Variants in DOCK8 observed in about 807,000 individuals in gnomAD.
The protein encoded by DOCK8 is dedicator of cytokinesis protein 8.
DOCK8 carries 141 observed loss-of-function variants against 245.6 expected under a neutral mutation model. That is an observed-to-expected ratio of 0.57 (90% CI 0.50 to 0.66). The LOEUF (loss-of-function observed/expected upper bound fraction) is 0.66. Among genes scored for constraint, DOCK8 ranks in the 30% least tolerant of loss-of-function variants. DOCK8 has a pLI of 0.00. For missense variants in DOCK8, 2,965 were observed against 2,603.4 expected (o/e 1.14, Z -3.02); for synonymous variants, 1,168 against 970.2 (o/e 1.20, Z -3.79).
intron 1 of DOCK8, among the ~76,000 whole-genome samples, chr9:259,503 G>C (rs1391760274): frequency 6.6e-6 from 1 of 152,108 alleles, no homozygotes; most frequent in African/African-American, 2.4e-5. Flanking sequence ...ATAGTCTTGG[G>C]TTCAAATCCT....
intron 23 of DOCK8, among the ~76,000 whole-genome samples, chr9:389,651 C>A (rs1368158153): frequency 1.3e-5 from 2 of 152,128 alleles, no homozygotes; most frequent in Admixed American, 6.6e-5. Context: ...TGCAAATTCC[C>A]AGGCTATTGA....
chr9:445,825 T>G (rs143904418), intron 43 of DOCK8, among the ~76,000 whole-genome samples: 1 of 152,256 alleles, frequency 6.6e-6, no homozygotes, highest in South Asian at 2.1e-4. Flanking sequence ...TGTACACACA[T>G]AGGAGTGGGG....
At chr9:316,162 G>T (rs1203375726) in intron 6 of DOCK8, among the ~76,000 whole-genome samples, 1 of 152,158 alleles carries the variant, frequency 6.6e-6, no homozygotes, top group Non-Finnish European at 1.5e-5. Flanking sequence ...AGCTTGCTGT[G>T]GGGTATTCAC....
At chr9:433,223 A>T (rs2056779518) in intron 37 of DOCK8, among the ~76,000 whole-genome samples, 1 of 152,162 alleles carries the variant, frequency 6.6e-6, no homozygotes, top group South Asian at 2.1e-4. Flanking sequence ...AGTTTAATAA[A>T]GGTCTTCAGT....
intron 21 of DOCK8, chr9:380,155 A>G (rs1348365607): frequency 2.0e-5 from 1 of 49,836 alleles, no homozygotes; most frequent in African/African-American, 9.9e-4. Context: ...CGCTTGGAGC[A>G]GTGGCTCACA....
intron 24 of DOCK8, among the ~76,000 whole-genome samples, chr9:394,210 G>C (rs975664941): frequency 1.3e-5 from 2 of 151,592 alleles, no homozygotes; most frequent in African/African-American, 4.8e-5. Flanking sequence ...TGAGTGATGT[G>C]GTCCCTCGAG....
At chr9:280,459 C>T (rs2048530391) in intron 2 of DOCK8, among the ~76,000 whole-genome samples, 2 of 152,204 alleles carry the variant, frequency 1.3e-5, no homozygotes, top group African/African-American at 4.8e-5. Context: ...GGCTTGCCTA[C>T]TGCTGGTGTG....
chr9:289,638 T>C (rs1210570461), intron 4 of DOCK8, 57 bp downstream of exon 4: 1 of 1,438,456 alleles, frequency 7.0e-7, no homozygotes, highest in Non-Finnish European at 9.6e-7. Context: ...ATTGCTAGTT[T>C]TTAAATATTT....
chr9:419,411 T>TTA lies in DOCK8; in HGVS notation c.3841-989_3841-988dup, dbSNP rs2056179653. Reference sequence around the variant, plus strand: ...CTTTCTAATATCCGTCTTACCAAAGTTAGCTGCTTGAGGTGGTATATGCCT... The same window carrying TTA: ...CTTTCTAATATCCGTCTTACCAAAGTTATAGCTGCTTGAGGTGGTATATGCCT... On this transcript the variant is annotated intron_variant, in intron 30 of 47. Coordinates refer to ENST00000432829, the MANE Select transcript of DOCK8 (RefSeq NM_203447.4). Among the ~76,000 whole-genome samples the TTA allele has an allele frequency of 2.6e-5, 4 of 152,302 alleles. No homozygotes were observed. In the Middle Eastern group the frequency reaches 0.01, roughly 389 times the overall value.
In DOCK8 at chr9:312,209, T is replaced by G. The variant is rs528987636; in HGVS notation, c.741+43T>G. ...CATACTGGAGAATCTCAGTGAAGAC[T>G]CTGAGAGTCATGTGGACAATTGTGT... On this transcript the variant is annotated intron_variant, in intron 6 of 47. Transcript: ENST00000432829. 4.4e-6 allele frequency: 7 copies of G among 1,589,436 alleles called. No individual in the cohort carries two copies. In the African/African-American group the frequency reaches 6.7e-5, roughly 15 times the overall value.
intron 22 of DOCK8, among the ~76,000 whole-genome samples, chr9:383,388 C>T (rs2053809890): frequency 6.6e-6 from 1 of 152,140 alleles, no homozygotes. Flanking sequence ...CAAAATTAGC[C>T]AGGCGTGGTG....
chr9:390,840 C>A (rs1233005345), intron 24 of DOCK8, among the ~76,000 whole-genome samples: 1 of 152,192 alleles, frequency 6.6e-6, no homozygotes, highest in African/African-American at 2.4e-5. Flanking sequence ...CAGTGACATC[C>A]TCTTTTTCCT....
chr9:428,610 C>T (rs554767773), intron 35 of DOCK8, 114 bp downstream of exon 35: 1 of 1,315,666 alleles, frequency 7.6e-7, no homozygotes, highest in East Asian at 2.4e-5. Context: ...AGTGGCATCA[C>T]AGTAAAGGTC....
At chr9:298,270 C>CA (rs757399458) in intron 4 of DOCK8, among the ~76,000 whole-genome samples, 8 of 152,056 alleles carry the variant, frequency 5.3e-5, no homozygotes, top group Non-Finnish European at 1.0e-4. Context: ...ACTAAAAATA[C>CA]AAAAATTAGC....
chr9:238,059 T>G (rs371400013), intron 1 of DOCK8, among the ~76,000 whole-genome samples: 3 of 152,200 alleles, frequency 2.0e-5, no homozygotes, highest in East Asian at 3.8e-4. Flanking sequence ...TATTTTTCTT[T>G]GCATTTGTTG....
intron 14 of DOCK8, among the ~76,000 whole-genome samples, chr9:342,049 T>C (rs564678546): frequency 6.6e-6 from 1 of 152,308 alleles, no homozygotes; most frequent in South Asian, 2.1e-4. Context: ...TTCTATATTA[T>C]TGTGAGTTAT....
At chr9:426,254 C>G (rs2056496670) in intron 33 of DOCK8, among the ~76,000 whole-genome samples, 1 of 152,126 alleles carries the variant, frequency 6.6e-6, no homozygotes, top group South Asian at 2.1e-4. Flanking sequence ...TGGGCAATGA[C>G]CAGTAATGTC....
In DOCK8 at chr9:434,065, A is replaced by G. The variant is rs532267305; in HGVS notation, c.4886+90A>G. ...CTTACTAATGTAATGATCACAGCTAACATGGATATAGTGATTTGGATGATA... is the reference window on the plus strand; with the variant it reads ...CTTACTAATGTAATGATCACAGCTAGCATGGATATAGTGATTTGGATGATA... On this transcript the variant is annotated intron_variant, in intron 38 of 47. Coordinates refer to ENST00000432829, the MANE Select transcript of DOCK8 (RefSeq NM_203447.4). 2.2e-5 allele frequency: 20 copies of G among 913,142 alleles called. No individual in the cohort carries two copies. In the East Asian group the frequency reaches 4.9e-4, roughly 22 times the overall value. The allele number at this position is 913,142 out of a possible 1,614,324, so 56.6% of individuals were successfully genotyped here.
At chr9:355,215 T>C (rs1039783820) in intron 14 of DOCK8, among the ~76,000 whole-genome samples, 3 of 143,946 alleles carry the variant, frequency 2.1e-5, no homozygotes, top group African/African-American at 7.6e-5. Flanking sequence ...TTTTTTTTTT[T>C]TTTTTTTGAG....
Sources: allele counts gnomAD v4.1 joint callset (sites outside exome capture counted in the v4.1 genomes callset), GRCh38; gene constraint gnomAD v4.1.1; transcripts MANE v1.5; gene names NCBI Gene and HGNC (gene_info 2026-07-23, HGNC 2026-07-21).